Variants in PCDHA5 observed in about 807,000 individuals in gnomAD.
PCDHA5 encodes protocadherin alpha 5, also known as protocadherin alpha-5.
In PCDHA5, 43 loss-of-function variants were observed where a neutral mutation model predicts 61.6. That is an observed-to-expected ratio of 0.70 (90% CI 0.55 to 0.90). PCDHA5 has a LOEUF of 0.90. Ranked by LOEUF, PCDHA5 falls within the 40% of genes least tolerant of loss-of-function variation. PCDHA5 has a pLI of 0.00. For synonymous variants in PCDHA5, 627 were observed against 543.9 expected (o/e 1.15, Z -2.13); for missense variants, 1,298 against 1,222.7 (o/e 1.06, Z -0.92).
At chr5:140,824,615 T>G (rs1028534118) in intron 1 of PCDHA5, 1 of 126,010 alleles carries the variant, frequency 7.9e-6, no homozygotes, top group African/African-American at 3.7e-5. Flanking sequence ...TTAAAGTTTT[T>G]TTTTTTTTTT....
At position 140,822,971 on chromosome 5, in the gene PCDHA5, C is replaced by T; in HGVS notation, c.1196C>T (p.Thr399Ile). The T allele has an allele frequency of 6.2e-7, 1 of 1,614,236 alleles. No homozygotes were observed. Residue 399 changes from threonine to isoleucine, a missense_variant, in exon 1 of 4, where the codon ACC becomes ATC. Thr to Ile is a moderately conservative substitution (Grantham distance 89). Coordinates refer to ENST00000529859, the MANE Select transcript of PCDHA5 (RefSeq NM_018908.3). The stretch of plus-strand genomic sequence containing the variant: ...CACGTTCCCTTCAAGCTGGTGTCCA[C>T]CTTCAAGAATTACTACTCGTTGGTG... ...MPHVPFKLVS[T>I]FKNYYSLVLD...
chr5:140,904,082 C>T (rs1189911248), intron 1 of PCDHA5, among the ~76,000 whole-genome samples: 3 of 152,108 alleles, frequency 2.0e-5, no homozygotes, highest in African/African-American at 7.2e-5. Context: ...TATTTGGTTA[C>T]ATGAATAACT....
intron 1 of PCDHA5, among the ~76,000 whole-genome samples, chr5:140,899,419 A>G (rs1583341890): frequency 6.6e-6 from 1 of 152,318 alleles, no homozygotes; most frequent in Non-Finnish European, 1.5e-5. Flanking sequence ...GAATTTTGTC[A>G]AAGGTCTTTT....
intron 1 of PCDHA5, chr5:140,864,601 A>C (rs2048532983): frequency 6.6e-6 from 1 of 152,200 alleles, no homozygotes; most frequent in Non-Finnish European, 1.5e-5. Context: ...TCAGATAGCC[A>C]ACAACTTTGT....
chr5:140,874,158 G>T (rs986617459), intron 1 of PCDHA5, among the ~76,000 whole-genome samples: 8 of 152,108 alleles, frequency 5.3e-5, no homozygotes, highest in African/African-American at 1.7e-4. Context: ...GCCATTCTTG[G>T]TTACTCTTTC....
intron 1 of PCDHA5, among the ~76,000 whole-genome samples, chr5:140,907,411 G>T (rs1053744231): frequency 6.6e-6 from 1 of 152,192 alleles, no homozygotes; most frequent in Non-Finnish European, 1.5e-5. Flanking sequence ...GGAATACCAC[G>T]ATGGTGGATA....
At chr5:140,956,906 A>G (rs2095319439) in intron 1 of PCDHA5, among the ~76,000 whole-genome samples, 1 of 152,218 alleles carries the variant, frequency 6.6e-6, no homozygotes, top group Non-Finnish European at 1.5e-5. Flanking sequence ...TCTTAAATGT[A>G]TAAACTTTAA....
At chr5:140,835,959 G>T (rs1162944895) in intron 1 of PCDHA5, 12 of 1,612,958 alleles carry the variant, frequency 7.4e-6, no homozygotes, top group Non-Finnish European at 9.3e-6. Context: ...GTTGGACCAC[G>T]AGGAGCTGGA....
rs782045843 is a variant in PCDHA5 at position 140,884,051 on chromosome 5, C to A, written c.2352+59924C>A. Reference sequence around the variant, plus strand: ...TGCAGGCCACGTGGTGGCGAAGGTGCGCGCGGTGGACGCCGATTCGGGCTA... The same window carrying A: ...TGCAGGCCACGTGGTGGCGAAGGTGAGCGCGGTGGACGCCGATTCGGGCTA... On this transcript the variant is annotated intron_variant, in intron 1 of 3. Coordinates refer to ENST00000529859, the MANE Select transcript of PCDHA5 (RefSeq NM_018908.3). The A allele has an allele frequency of 9.3e-6, 15 of 1,613,426 alleles. No homozygotes were observed. In the South Asian group the frequency reaches 1.6e-4, roughly 18 times the overall value.
chr5:141,004,806 T>C (rs1326385428), intron 3 of PCDHA5, among the ~76,000 whole-genome samples: 1 of 152,196 alleles, frequency 6.6e-6, no homozygotes, highest in Non-Finnish European at 1.5e-5. Flanking sequence ...CTGAGCTCAA[T>C]TGCAGATTTG....
Position 140,823,307 on chromosome 5 carries a change from C to G in PCDHA5, c.1532C>G (p.Ala511Gly). 1 of 1,612,266 alleles carries G rather than the reference C, an allele frequency of 6.2e-7. No individual in the cohort carries two copies. Among genetic ancestry groups the G allele is most frequent in the Non-Finnish European group, 8.5e-7 (1 of 1,179,750 alleles). ...RPLSSYVSVH[A>G]ESGKVYALQP... ...CTGTCGAGTTACGTTTCGGTGCACG[C>G]GGAGAGCGGCAAGGTGTACGCGCTG... Residue 511 changes from alanine to glycine, a missense_variant, in exon 1 of 4, where the codon GCG becomes GGG. By Grantham distance (60) the Ala-to-Gly change is moderately conservative. Coordinates refer to ENST00000529859, the MANE Select transcript of PCDHA5 (RefSeq NM_018908.3).
intron 1 of PCDHA5, among the ~76,000 whole-genome samples, chr5:140,963,839 G>A (rs566875036): frequency 1.3e-5 from 2 of 152,290 alleles, no homozygotes; most frequent in African/African-American, 2.4e-5. Flanking sequence ...ATTTTCTCAT[G>A]TAATCATAAT....
intron 1 of PCDHA5, among the ~76,000 whole-genome samples, chr5:140,921,041 G>A (rs902181810): frequency 1.3e-5 from 2 of 151,820 alleles, no homozygotes; most frequent in Non-Finnish European, 2.9e-5. Flanking sequence ...GTGCAGTGGG[G>A]CAATCATAGC....
intron 1 of PCDHA5, among the ~76,000 whole-genome samples, chr5:140,910,796 C>T (rs2075173732): frequency 6.6e-6 from 1 of 152,112 alleles, no homozygotes; most frequent in South Asian, 2.1e-4. Flanking sequence ...ATGCAGAATC[C>T]CTGCTTAGTG....
At chr5:140,902,933 T>C (rs898632295) in intron 1 of PCDHA5, among the ~76,000 whole-genome samples, 56 of 152,346 alleles carry the variant, frequency 3.7e-4, no homozygotes, top group African/African-American at 1.2e-3. Flanking sequence ...GGTGTATATA[T>C]ACCACATTTT....
chr5:140,990,649 T>C (rs1465284882), intron 3 of PCDHA5, among the ~76,000 whole-genome samples: 1 of 152,212 alleles, frequency 6.6e-6, no homozygotes, highest in African/African-American at 2.4e-5. Context: ...TCAGCCAGTA[T>C]GAATGATTTA....
intron 1 of PCDHA5, 29 bp downstream of exon 1, chr5:140,824,156 T>G (rs200693729): frequency 1.7e-5 from 27 of 1,611,492 alleles, no homozygotes; most frequent in Non-Finnish European, 2.2e-5. Context: ...ACATCCATCT[T>G]TCCCTCCCAA....
chr5:140,966,946 C>G (rs377699694), intron 1 of PCDHA5: 3 of 1,603,368 alleles, frequency 1.9e-6, no homozygotes, highest in African/African-American at 2.7e-5. Context: ...TCGTGGGCAA[C>G]GTGGCTCGCG....
At chr5:140,831,833 A>G (rs2150197532) in intron 1 of PCDHA5, among the ~76,000 whole-genome samples, 10 of 152,180 alleles carry the variant, frequency 6.6e-5, no homozygotes, top group Non-Finnish European at 7.3e-5. Context: ...ACTAGTTTCA[A>G]TGATAGAATT....
Sources: allele counts gnomAD v4.1 joint callset (sites outside exome capture counted in the v4.1 genomes callset), GRCh38; gene constraint gnomAD v4.1.1; transcripts MANE v1.5; gene names NCBI Gene and HGNC (gene_info 2026-07-23, HGNC 2026-07-21).